PHLPP1: variants seen among roughly 807,000 people sequenced by gnomAD.
PHLPP1 encodes the protein PH domain and leucine rich repeat protein phosphatase 1.
PHLPP1 carries 42 observed loss-of-function variants against 117.2 expected under a neutral mutation model. The observed-to-expected ratio is 0.36, with a 90% CI of 0.28 to 0.46. The LOEUF (loss-of-function observed/expected upper bound fraction) is 0.46. Among genes scored for constraint, PHLPP1 ranks in the 20% least tolerant of loss-of-function variants. PHLPP1 has a pLI of 1.00. For missense variants in PHLPP1, 2,084 were observed against 2,241.9 expected, an observed-to-expected ratio of 0.93 and a Z score of 1.42; for synonymous variants, 1,042 against 970.7, an observed-to-expected ratio of 1.07 and a Z score of -1.37.
At chr18:62,772,276 GTAA>G (rs1912807718) in intron 1 of PHLPP1, among the ~76,000 whole-genome samples, 2 of 152,248 alleles carry the variant, frequency 1.3e-5, no homozygotes, top group East Asian at 1.9e-4. Context: ...TAATATAATA[GTAA>G]TAATTTATTT....
intron 1 of PHLPP1, among the ~76,000 whole-genome samples, chr18:62,765,766 C>T (rs967029894): frequency 2.0e-4 from 30 of 152,040 alleles, no homozygotes; most frequent in African/African-American, 5.8e-4. Context: ...GAAGCCAAGG[C>T]GGGTGGATCA....
chr18:62,823,809 C>A (rs111346372), intron 1 of PHLPP1, among the ~76,000 whole-genome samples: 31 of 151,968 alleles, frequency 2.0e-4, no homozygotes, highest in African/African-American at 7.0e-4. Context: ...TAAGGAGATA[C>A]CACTACATAT....
chr18:62,848,562 C>T (rs1373018229), intron 3 of PHLPP1, among the ~76,000 whole-genome samples: 1 of 147,514 alleles, frequency 6.8e-6, no homozygotes, highest in Non-Finnish European at 1.5e-5. Flanking sequence ...CTTCCAGGCT[C>T]AAGTGATCCT....
intron 3 of PHLPP1, among the ~76,000 whole-genome samples, chr18:62,840,651 C>T (rs553759482): frequency 6.6e-6 from 1 of 152,292 alleles, no homozygotes; most frequent in South Asian, 2.1e-4. Flanking sequence ...GATCAAAGTG[C>T]AGCACATTTC....
At chr18:62,858,370 C>T (rs1915550294) in intron 3 of PHLPP1, among the ~76,000 whole-genome samples, 1 of 150,796 alleles carries the variant, frequency 6.6e-6, no homozygotes, top group Non-Finnish European at 1.5e-5. Context: ...TCAAGCAATT[C>T]TGCTGCCTCA....
chr18:62,730,746 C>T (rs887785350), intron 1 of PHLPP1, among the ~76,000 whole-genome samples: 5 of 148,724 alleles, frequency 3.4e-5, no homozygotes, highest in Non-Finnish European at 5.9e-5. Flanking sequence ...GAGCCGAGAT[C>T]GTGCCATTGC....
chr18:62,976,205 C>T (rs1470918782), intron 16 of PHLPP1, among the ~76,000 whole-genome samples: 1 of 152,158 alleles, frequency 6.6e-6, no homozygotes, highest in Non-Finnish European at 1.5e-5. Flanking sequence ...CATTTTTGGT[C>T]ATCACAGCTG....
chr18:62,798,900 A>AAAAACAAAAC (rs201189089), intron 1 of PHLPP1, among the ~76,000 whole-genome samples: 1 of 152,296 alleles, frequency 6.6e-6, no homozygotes, highest in East Asian at 1.9e-4. Flanking sequence ...GGGCATGTTT[A>AAAAACAAAAC]AAAACAAAAC....
rs754224940 is a variant in PHLPP1, at chr18:62,715,770, GGCAGCAGCA to G, written c.96_104del (p.Ala38_Ala40del). 8 of 948,744 alleles carry G rather than the reference GGCAGCAGCA, an allele frequency of 8.4e-6. No homozygotes were observed. The highest frequency in any genetic ancestry group is 1.0e-5 in the Non-Finnish European group (8 of 770,024). 58.8% of individuals were successfully genotyped at this position (948,744 alleles called of 1,614,324 possible). A position where few individuals can be genotyped will look rare whatever the true frequency, so the allele number is the denominator to read the frequency against. ...CTTCGGCTCCGGCGGCCGCCGCTGC[GGCAGCAGCA>G]GCAGCAGCGGCGGCCGCGGCGGCTC... On this transcript the variant is annotated inframe_deletion, in exon 1 of 17. Transcript: ENST00000262719.
chr18:62,907,526 C>T (rs1199798035), intron 8 of PHLPP1, among the ~76,000 whole-genome samples: 140 of 129,808 alleles, frequency 1.1e-3, no homozygotes, highest in Middle Eastern at 3.6e-3. Flanking sequence ...CCTCAGGAGC[C>T]GATGCGATCA....
chr18:62,819,174 C>A (rs1372875611), intron 1 of PHLPP1, among the ~76,000 whole-genome samples: 1 of 152,020 alleles, frequency 6.6e-6, no homozygotes, highest in East Asian at 1.9e-4. Context: ...AGCACAAAGA[C>A]TGGGAGAAGG....
At chr18:62,924,989 C>G (rs1388468653) in intron 10 of PHLPP1, among the ~76,000 whole-genome samples, 2 of 151,910 alleles carry the variant, frequency 1.3e-5, no homozygotes, top group African/African-American at 4.8e-5. Context: ...CCTCTAAATA[C>G]TTGAGGAAGA....
chr18:62,736,479 C>T (rs1241562771), intron 1 of PHLPP1, among the ~76,000 whole-genome samples: 1 of 152,124 alleles, frequency 6.6e-6, no homozygotes, highest in Non-Finnish European at 1.5e-5. Context: ...GCAACAGAAG[C>T]TCCAAGATGA....
chr18:62,936,432 A>T (rs1909968555), intron 10 of PHLPP1, among the ~76,000 whole-genome samples: 1 of 152,252 alleles, frequency 6.6e-6, no homozygotes. Context: ...TGTTACAAGC[A>T]CAAATGCTAA....
chr18:62,752,156 C>A (rs1911875827), intron 1 of PHLPP1, among the ~76,000 whole-genome samples: 1 of 152,206 alleles, frequency 6.6e-6, no homozygotes, highest in Non-Finnish European at 1.5e-5. Context: ...TGCCTCCCTG[C>A]AGCCTTAAAC....
chr18:62,874,370 A>T (rs1203047730), intron 4 of PHLPP1, among the ~76,000 whole-genome samples: 2 of 151,558 alleles, frequency 1.3e-5, no homozygotes, highest in African/African-American at 2.4e-5. Flanking sequence ...TTAGCCGGGC[A>T]TGGTGGTGCG....
At position 62,914,953 on chromosome 18, in the gene PHLPP1, C is replaced by G; in HGVS notation, c.2749C>G (p.Arg917Gly). Residue 917 changes from arginine to glycine, a missense_variant, in exon 9 of 17, where the codon CGA (arginine) becomes GGA (glycine). Physicochemically the swap from Arg to Gly is moderately radical, Grantham distance 125. Transcript: ENST00000262719. ...TGTGCCTGAGTGGGTATGTGAAAGC[C>G]GAAAGCTAGAAGTTTTGGATATTGG... ...ENVPEWVCES[R>G]KLEVLDIGHN... 1 of 1,613,566 alleles carries G rather than the reference C, an allele frequency of 6.2e-7. No homozygotes were observed. Among genetic ancestry groups the G allele is most frequent in the Non-Finnish European group, 8.5e-7 (1 of 1,179,700 alleles).
At chr18:62,792,030 C>A (rs555385972) in intron 1 of PHLPP1, among the ~76,000 whole-genome samples, 1 of 151,672 alleles carries the variant, frequency 6.6e-6, no homozygotes, top group South Asian at 2.1e-4. Flanking sequence ...AGTTTAGATT[C>A]CTATAACCAA....
intron 1 of PHLPP1, chr18:62,824,240 A>T (rs183645431): frequency 2.2e-6 from 1 of 455,398 alleles, no homozygotes; most frequent in Non-Finnish European, 4.4e-6. Flanking sequence ...CTAGGTATTT[A>T]CCCGAGAGGA....
Sources: allele counts gnomAD v4.1 joint callset (sites outside exome capture counted in the v4.1 genomes callset), GRCh38; gene constraint gnomAD v4.1.1; transcripts MANE v1.5; gene names NCBI Gene and HGNC (gene_info 2026-07-23, HGNC 2026-07-21).